The following CLIP2 variants were observed in gnomAD, a reference collection of about 807,000 sequenced individuals.
CLIP2 encodes CAP-Gly domain containing linker protein 2.
In CLIP2, 41 loss-of-function variants were observed where a neutral mutation model predicts 111.7. The observed-to-expected ratio is 0.37, with a 90% CI of 0.29 to 0.48. The LOEUF is 0.48. Among genes scored for constraint, CLIP2 ranks in the 20% least tolerant of loss-of-function variants. The probability of loss-of-function intolerance (pLI) is 0.99; values close to 1 mark genes in which losing one functional copy is unlikely to be tolerated. For missense variants in CLIP2, 1,160 were observed against 1,422.1 expected (o/e 0.82, Z 2.96); for synonymous variants, 660 against 644.2 (o/e 1.02, Z -0.37).
Position 74,361,091 on chromosome 7 carries a change from T to C in CLIP2, c.1319+813T>C, listed in dbSNP as rs546181245. Among the ~76,000 whole-genome samples, 43 of 150,972 alleles carry C rather than the reference T, an allele frequency of 2.8e-4. No individual in the cohort carries two copies. The East Asian group carries it at 6.3e-3, about 22-fold the overall frequency. ...TGAGTGGAGCTCACAGCTCCTGTCCTGGGAATCCATTTCCCCTTTTTTCCC... is the reference window on the plus strand; with the variant it reads ...TGAGTGGAGCTCACAGCTCCTGTCCCGGGAATCCATTTCCCCTTTTTTCCC... On this transcript the variant is annotated intron_variant, in intron 7 of 16. Transcript: ENST00000223398.
intron 13 of CLIP2, among the ~76,000 whole-genome samples, chr7:74,391,099 G>A (rs1374546686): frequency 6.6e-6 from 1 of 151,996 alleles, no homozygotes; most frequent in Non-Finnish European, 1.5e-5. Flanking sequence ...TGGGAAGAGT[G>A]GCATTATTTC....
chr7:74,319,241 G>A (rs1476260025), intron 2 of CLIP2, among the ~76,000 whole-genome samples: 2 of 152,134 alleles, frequency 1.3e-5, no homozygotes, highest in African/African-American at 4.8e-5. Context: ...GGCCGGGGAC[G>A]GTGGCTCATG....
intron 1 of CLIP2, among the ~76,000 whole-genome samples, chr7:74,306,716 G>A (rs532468549): frequency 2.0e-5 from 3 of 152,178 alleles, no homozygotes; most frequent in African/African-American, 4.8e-5. Flanking sequence ...TCGCCTGTCC[G>A]TCCTGTGCAC....
rs1790285411 is a variant in CLIP2 at position 74,360,171 on chromosome 7, C to T, written c.1216-4C>T. 2.5e-6 allele frequency: 4 copies of T among 1,595,876 alleles called. No individual in the cohort carries two copies. Among genetic ancestry groups the T allele is most frequent in the Non-Finnish European group, 3.4e-6 (4 of 1,171,526 alleles). On this transcript the variant is annotated splice_region_variant and splice_polypyrimidine_tract_variant and intron_variant, in intron 6 of 16. Transcript: ENST00000223398. ...CCCTGTCCTGGCCTTCCTTGGGGGC[C>T]CAGTATGTTGCAGAAGCCGAGGAGA...
intron 8 of CLIP2, among the ~76,000 whole-genome samples, chr7:74,367,754 C>T (rs779016189): frequency 1.3e-5 from 2 of 152,130 alleles, no homozygotes; most frequent in Non-Finnish European, 2.9e-5. Flanking sequence ...ACCCCCCTTA[C>T]GGTTCCCATC....
Position 74,322,575 on chromosome 7 carries a change from CA to C in CLIP2, c.121+4914del, listed in dbSNP as rs1788991841. ...TGGGCAACAGAGTGAGACTCCGTCT[CA>C]AAAAACAAACAGACAGGAGACAGGA... On this transcript the variant is annotated intron_variant, in intron 2 of 16. Coordinates refer to ENST00000223398, the MANE Select transcript of CLIP2 (RefSeq NM_003388.5). Among the ~76,000 whole-genome samples, 5 of 152,088 alleles carry C rather than the reference CA, an allele frequency of 3.3e-5. No individual in the cohort carries two copies. The South Asian group carries it at 8.3e-4, about 25-fold the overall frequency.
chr7:74,289,897 C>T (rs1554725139), intron 1 of CLIP2, among the ~76,000 whole-genome samples, 163 bp downstream of exon 1: 1 of 151,508 alleles, frequency 6.6e-6, no homozygotes, highest in Non-Finnish European at 1.5e-5. Context: ...TGGGCGTGGG[C>T]GGGAGCTGGC....
intron 1 of CLIP2, among the ~76,000 whole-genome samples, chr7:74,315,270 C>A (rs889410939): frequency 6.6e-6 from 1 of 151,678 alleles, no homozygotes; most frequent in Admixed American, 6.6e-5. Context: ...AGCGAGAGTC[C>A]GTCACAAAAA....
intron 10 of CLIP2, among the ~76,000 whole-genome samples, chr7:74,379,648 CA>C (rs1790886728): frequency 1.3e-5 from 2 of 151,992 alleles, no homozygotes; most frequent in Admixed American, 6.6e-5. Flanking sequence ...CCTGTAGTCC[CA>C]GCTACTCGGG....
At position 74,376,183 on chromosome 7, in the gene CLIP2, C is replaced by A; in HGVS notation, c.1782C>A (p.Gly594=). ...AGAAGTACGCACAGGAGGTGGCGGG[C>A]CTGAAGGACAAGGTTCAGCAGGCCA... ...ANEKYAQEVA[G]LKDKVQQATS... The change falls in exon 10 of 17, where the codon GGC becomes GGA. Residue 594 remains glycine (G), a synonymous_variant. Transcript: ENST00000223398. This position sits in a 1 kb window ranked among gnomAD's most constrained non-coding sequence, Gnocchi z 7.1. 1 of 1,611,602 alleles carries A rather than the reference C, an allele frequency of 6.2e-7. No homozygotes were observed. Among genetic ancestry groups the A allele is most frequent in the Non-Finnish European group, 8.5e-7 (1 of 1,178,970 alleles).
intron 4 of CLIP2, among the ~76,000 whole-genome samples, chr7:74,354,819 A>G (rs1790102934): frequency 6.6e-6 from 1 of 152,206 alleles, no homozygotes; most frequent in South Asian, 2.1e-4. Flanking sequence ...GTGAGGCAGC[A>G]GTCCCTGTCA....
chr7:74,305,265 T>C (rs1321366642), intron 1 of CLIP2, among the ~76,000 whole-genome samples: 1 of 143,830 alleles, frequency 7.0e-6, no homozygotes, highest in African/African-American at 2.5e-5. Context: ...GCACCCTGGG[T>C]TTGCATTTTC....
chr7:74,310,309 C>CTG (rs1788609928), intron 1 of CLIP2, among the ~76,000 whole-genome samples: 1 of 151,678 alleles, frequency 6.6e-6, no homozygotes. Context: ...AGGATCCTTT[C>CTG]AGTCCAGGAG....
intron 8 of CLIP2, among the ~76,000 whole-genome samples, chr7:74,372,402 TGG>T (rs1192394907): frequency 2.6e-4 from 9 of 34,422 alleles, no homozygotes; most frequent in Admixed American, 3.4e-4. Context: ...GCACAGGCCT[TGG>T]GGGGGGGGGG....
chr7:74,372,909 C>A (rs1335589241), intron 8 of CLIP2, 23 bp from the exon 9 acceptor site: 1 of 1,365,906 alleles, frequency 7.3e-7, no homozygotes, highest in Non-Finnish European at 1.0e-6. Context: ...ACCCCCCCAC[C>A]GTGTCCACCC....
intron 3 of CLIP2, among the ~76,000 whole-genome samples, chr7:74,343,911 A>AG (rs1554305836): frequency 3.3e-5 from 5 of 151,444 alleles, no homozygotes; most frequent in East Asian, 1.9e-4. Context: ...TTAAAAAAAA[A>AG]AGAGAGAGAG....
At chr7:74,342,036 A>G (rs1789670298) in intron 3 of CLIP2, among the ~76,000 whole-genome samples, 1 of 152,182 alleles carries the variant, frequency 6.6e-6, no homozygotes, top group African/African-American at 2.4e-5. Context: ...ATGTGGGGCC[A>G]GAGCATCGTG....
intron 1 of CLIP2, among the ~76,000 whole-genome samples, chr7:74,314,714 G>A (rs1172558712): frequency 6.6e-6 from 1 of 152,214 alleles, no homozygotes; most frequent in Non-Finnish European, 1.5e-5. Context: ...GCCGAGTCCT[G>A]CCTGCAGCTC....
intron 1 of CLIP2, among the ~76,000 whole-genome samples, chr7:74,312,062 A>G (rs1348226546): frequency 1.3e-5 from 2 of 152,126 alleles, no homozygotes; most frequent in Non-Finnish European, 2.9e-5. Flanking sequence ...CCTGGCCAAC[A>G]TGGTGAAACA....
Sources: allele counts gnomAD v4.1 joint callset (sites outside exome capture counted in the v4.1 genomes callset), GRCh38; gene constraint gnomAD v4.1.1; non-coding constraint Gnocchi (gnomAD v3.1); transcripts MANE v1.5; gene names NCBI Gene and HGNC (gene_info 2026-07-23, HGNC 2026-07-21).